The following RAB38 variants were observed in gnomAD, a reference collection of about 807,000 sequenced individuals.
The protein encoded by RAB38 is RAB38, member RAS oncogene family.
A neutral mutation model predicts 18.4 loss-of-function variants in RAB38; 15 were observed. The observed-to-expected ratio is 0.82, with a 90% CI of 0.55 to 1.26. The LOEUF is 1.26. Among genes scored for constraint, RAB38 ranks in the 50% most tolerant of loss-of-function variants. RAB38 has a pLI of 0.00. For synonymous variants in RAB38, 101 were observed against 104.4 expected, an observed-to-expected ratio of 0.97 and a Z score of 0.20; for missense variants, 294 against 267.4, an observed-to-expected ratio of 1.10 and a Z score of -0.69.
chr11:88,020,591 G>A, the RAB38 span, among the ~76,000 whole-genome samples: 9 of 152,112 alleles, frequency 5.9e-5, no homozygotes, highest in African/African-American at 2.2e-4. Context: ...CTGCACTACA[G>A]AACAGATGGA....
Position 88,156,022 on chromosome 11 carries a change from G to A in RAB38, c.203-6067C>T, listed in dbSNP as rs532605637. ...ATGAAGAAAGTCTTTGAGAAATGTG[G>A]GATTATGTAAAAATATCAAACCTAC... is the stretch of plus-strand genomic sequence containing the variant. On this transcript the variant is annotated intron_variant, in intron 1 of 2. Coordinates refer to ENST00000243662, the MANE Select transcript of RAB38 (RefSeq NM_022337.3). 5.9e-5 allele frequency among the ~76,000 whole-genome samples: 9 copies of A among 152,194 alleles called. No individual in the cohort carries two copies. In the South Asian group the frequency reaches 1.5e-3, roughly 25 times the overall value.
the RAB38 span, among the ~76,000 whole-genome samples, chr11:88,062,914 C>A: frequency 6.6e-6 from 1 of 152,222 alleles, no homozygotes; most frequent in Non-Finnish European, 1.5e-5. Context: ...TAACTTCATG[C>A]ACTGAAAATT....
the RAB38 span, among the ~76,000 whole-genome samples, chr11:87,976,667 T>C: frequency 3.2e-4 from 33 of 102,386 alleles, 1 homozygote; most frequent in South Asian, 8.9e-3. Context: ...TATATAATTT[T>C]ATATGATATA....
chr11:87,909,805 T>C, the RAB38 span, among the ~76,000 whole-genome samples: 1 of 152,090 alleles, frequency 6.6e-6, no homozygotes. Context: ...GCTTATTCAT[T>C]ACACTGTTGA....
the RAB38 span, among the ~76,000 whole-genome samples, chr11:87,813,601 A>C: frequency 6.6e-6 from 1 of 151,892 alleles, no homozygotes; most frequent in Non-Finnish European, 1.5e-5. Flanking sequence ...AATTTATTAG[A>C]GTTTAGGACT....
At chr11:88,168,323 G>A (rs1943268596) in intron 1 of RAB38, among the ~76,000 whole-genome samples, 1 of 151,990 alleles carries the variant, frequency 6.6e-6, no homozygotes, top group Non-Finnish European at 1.5e-5. Context: ...TTCCTAATTT[G>A]TCTGCCGCAT....
At chr11:87,813,005 T>A in the RAB38 span, among the ~76,000 whole-genome samples, 2 of 152,160 alleles carry the variant, frequency 1.3e-5, no homozygotes, top group Admixed American at 6.5e-5. Flanking sequence ...AAATGCCTGT[T>A]TTTATCAAGA....
chr11:87,974,791 T>C, the RAB38 span, among the ~76,000 whole-genome samples: 1 of 147,004 alleles, frequency 6.8e-6, no homozygotes, highest in Non-Finnish European at 1.5e-5. Flanking sequence ...TCAGAAAAAA[T>C]GATGATCAGA....
chr11:88,157,201 T>C (rs1004371020), intron 1 of RAB38, among the ~76,000 whole-genome samples: 6 of 152,336 alleles, frequency 3.9e-5, no homozygotes, highest in African/African-American at 1.4e-4. Flanking sequence ...CATTCCTACG[T>C]CAGATAAATC....
the RAB38 span, among the ~76,000 whole-genome samples, chr11:87,927,687 C>CT: frequency 2.6e-5 from 4 of 151,946 alleles, no homozygotes; most frequent in Non-Finnish European, 4.4e-5. Context: ...CTTCAAATCC[C>CT]TTTCTGCCTC....
chr11:88,017,594 A>G, the RAB38 span, among the ~76,000 whole-genome samples: 7,253 of 150,984 alleles, frequency 0.048, 281 homozygotes, highest in East Asian at 0.14. Context: ...TGGCTTCTTT[A>G]TAACTCCCTT....
the RAB38 span, among the ~76,000 whole-genome samples, chr11:88,027,900 A>T: frequency 6.6e-6 from 1 of 152,154 alleles, no homozygotes; most frequent in Non-Finnish European, 1.5e-5. Flanking sequence ...GCAGCTGGAG[A>T]TCTGAGAATG....
At chr11:88,104,134 T>C in the RAB38 span, among the ~76,000 whole-genome samples, 1 of 152,102 alleles carries the variant, frequency 6.6e-6, no homozygotes, top group African/African-American at 2.4e-5. Flanking sequence ...GGTGGGAAGT[T>C]GGGGAGGATC....
At chr11:87,925,538 G>A in the RAB38 span, among the ~76,000 whole-genome samples, 1 of 152,028 alleles carries the variant, frequency 6.6e-6, no homozygotes, top group African/African-American at 2.4e-5. Flanking sequence ...TGCACATAGA[G>A]TAAGTATATA....
At chr11:87,882,005 C>T in the RAB38 span, among the ~76,000 whole-genome samples, 1 of 151,860 alleles carries the variant, frequency 6.6e-6, no homozygotes, top group African/African-American at 2.4e-5. Flanking sequence ...ATTAATGCCA[C>T]TCTAATCTCC....
At chr11:87,905,373 CATACTT>C in the RAB38 span, among the ~76,000 whole-genome samples, 35,975 of 151,156 alleles carry the variant, frequency 0.24, 6,723 homozygotes, top group African/African-American at 0.53. Context: ...TGACTTTTCT[CATACTT>C]ATAGGGCATA....
At chr11:88,147,156 A>G (rs966404672) in intron 2 of RAB38, among the ~76,000 whole-genome samples, 1 of 152,204 alleles carries the variant, frequency 6.6e-6, no homozygotes, top group Non-Finnish European at 1.5e-5. Context: ...AGCACTTAAT[A>G]AGTATCACAC....
the RAB38 span, among the ~76,000 whole-genome samples, chr11:87,875,368 A>G: frequency 2.0e-5 from 3 of 151,554 alleles, no homozygotes; most frequent in Non-Finnish European, 4.4e-5. Context: ...AAATATTGAT[A>G]TCCAATCAAC....
chr11:88,106,615 T>C, the RAB38 span, among the ~76,000 whole-genome samples: 1 of 152,062 alleles, frequency 6.6e-6, no homozygotes, highest in Admixed American at 6.6e-5. Flanking sequence ...TGCCTGGAGG[T>C]TGATATTCTA....
Sources: allele counts gnomAD v4.1 joint callset (sites outside exome capture counted in the v4.1 genomes callset), GRCh38; gene constraint gnomAD v4.1.1; transcripts MANE v1.5; gene names NCBI Gene and HGNC (gene_info 2026-07-23, HGNC 2026-07-21).